The following MS4A5 variants were observed in gnomAD, a reference collection of about 807,000 sequenced individuals.
The protein encoded by MS4A5 is membrane-spanning 4-domains subfamily A member 5.
A neutral mutation model predicts 18.2 loss-of-function variants in MS4A5; 15 were observed. The observed-to-expected ratio is 0.83, with a 90% confidence interval of 0.55 to 1.27. MS4A5 has a LOEUF of 1.27. MS4A5 is among the 50% of genes most tolerant of loss of function. MS4A5 has a pLI of 0.00. For missense variants in MS4A5, 232 were observed against 225.7 expected (o/e 1.03, Z -0.18); for synonymous variants, 89 against 78.7 (o/e 1.13, Z -0.69).
At chr11:60,445,224 T>C (rs893926142) in intron 4 of MS4A5, among the ~76,000 whole-genome samples, 10 of 151,922 alleles carry the variant, frequency 6.6e-5, no homozygotes, top group Non-Finnish European at 1.3e-4. Context: ...AAATGTGATA[T>C]ATCTTGACGT....
At chr11:60,430,155 A>G (rs2086040486) in intron 1 of MS4A5, among the ~76,000 whole-genome samples, 1 of 152,134 alleles carries the variant, frequency 6.6e-6, no homozygotes, top group South Asian at 2.1e-4. Flanking sequence ...TGTATATTGT[A>G]TACCTTCCAT....
chr11:60,439,629 C>T (rs1158002654), intron 4 of MS4A5, among the ~76,000 whole-genome samples: 10 of 17,272 alleles, frequency 5.8e-4, no homozygotes, highest in Non-Finnish European at 7.7e-4. Context: ...TATACACCAA[C>T]AACAGACAAA....
In MS4A5 at chr11:60,447,759, A is replaced by T; in HGVS notation, c.603A>T (p.Ter201CysextTer4). Residue 201 changes from the stop codon to cysteine, a stop_lost, in exon 5 of 5, where the codon TGA becomes TGT. Transcript: ENST00000300190. The stretch of plus-strand genomic sequence containing the variant: ...ATTGTGATTGTGAACAATGTTGTTG[A>T]CTAGCACTGTGAGAATAAAGATGTG... Reference protein sequence around the residue: ...SEDCDCEQCC* With the variant: ...SEDCDCEQCCC The T allele has an allele frequency of 6.5e-7, 1 of 1,536,052 alleles. No homozygotes were observed. Among genetic ancestry groups the T allele is most frequent in the Non-Finnish European group, 8.9e-7 (1 of 1,122,760 alleles).
chr11:60,434,992 C>G (rs753725874), intron 4 of MS4A5, among the ~76,000 whole-genome samples: 2 of 152,178 alleles, frequency 1.3e-5, no homozygotes, highest in Non-Finnish European at 2.9e-5. Context: ...ATAGCAAAGT[C>G]GCTGAACAAA....
At chr11:60,436,387 T>C (rs867890684) in intron 4 of MS4A5, among the ~76,000 whole-genome samples, 2 of 138,932 alleles carry the variant, frequency 1.4e-5, no homozygotes, top group African/African-American at 2.5e-5. Flanking sequence ...TCCAAAGGAA[T>C]GCAGTTCCTC....
Position 60,429,750 on chromosome 11 carries a change from A to ACAGAACT in MS4A5, c.77_83dup (p.Ser29ArgfsTer19). On this transcript the variant is annotated frameshift_variant, in exon 1 of 5. Coordinates refer to ENST00000300190, the MANE Select transcript of MS4A5 (RefSeq NM_023945.3). LOFTEE classifies it high-confidence loss of function. The stretch of plus-strand genomic sequence containing the variant: ...AATCACTGCTTCAGAATATGAGTCC[A>ACAGAACT]CAGAACTTTCAGCCACGACCTTTTC... 1 of 1,614,156 alleles carries ACAGAACT rather than the reference A, an allele frequency of 6.2e-7. No individual in the cohort carries two copies.
At chr11:60,447,204 CCTATG>C (rs1328900098) in intron 4 of MS4A5, among the ~76,000 whole-genome samples, 1 of 144,892 alleles carries the variant, frequency 6.9e-6, no homozygotes, top group Non-Finnish European at 1.5e-5. Flanking sequence ...GCTATGCTAT[CCTATG>C]CTATGCTATG....
At chr11:60,431,913 T>C in intron 2 of MS4A5, among the ~76,000 whole-genome samples, 1 of 152,174 alleles carries the variant, frequency 6.6e-6, no homozygotes. Context: ...TGTAATCAGA[T>C]TTGAAATTTC....
At chr11:60,442,661 A>T (rs1391469341) in intron 4 of MS4A5, among the ~76,000 whole-genome samples, 2 of 152,174 alleles carry the variant, frequency 1.3e-5, no homozygotes, top group African/African-American at 2.4e-5. Context: ...AAATAATAAT[A>T]AAAAAAGAAT....
chr11:60,445,030 A>AG lies in MS4A5; in HGVS notation c.493-2619_493-2618insG, dbSNP rs1334521577. ...GAATACTTCTCAGCAATATAAAAGA[A>AG]CAACCTACTGACACAGAGGAGCATG... On this transcript the variant is annotated intron_variant, in intron 4 of 4. Coordinates refer to ENST00000300190, the MANE Select transcript of MS4A5 (RefSeq NM_023945.3). 2.4e-3 allele frequency among the ~76,000 whole-genome samples: 358 copies of AG among 152,334 alleles called. 2 individuals carry two copies. Among genetic ancestry groups the AG allele is most frequent in the African/African-American group, 8.4e-3 (349 of 41,576 alleles).
intron 4 of MS4A5, among the ~76,000 whole-genome samples, chr11:60,434,659 C>T (rs1183233633): frequency 6.6e-6 from 1 of 152,102 alleles, no homozygotes; most frequent in African/African-American, 2.4e-5. Flanking sequence ...AAAAACAAAA[C>T]AACCTTAAAG....
intron 2 of MS4A5, among the ~76,000 whole-genome samples, chr11:60,431,248 G>T (rs2135170178): frequency 6.6e-6 from 1 of 152,296 alleles, no homozygotes; most frequent in Non-Finnish European, 1.5e-5. Flanking sequence ...TCTCAGTCTA[G>T]CAAGAAAACA....
intron 4 of MS4A5, among the ~76,000 whole-genome samples, chr11:60,441,920 C>G (rs975354870): frequency 2.0e-5 from 3 of 152,088 alleles, no homozygotes; most frequent in Non-Finnish European, 4.4e-5. Context: ...GGTCGATTCA[C>G]AAGAGAAATA....
intron 4 of MS4A5, among the ~76,000 whole-genome samples, chr11:60,438,649 T>G (rs201792811): frequency 7.3e-5 from 11 of 150,464 alleles, no homozygotes; most frequent in South Asian, 2.1e-4. Context: ...CAAACACCTC[T>G]ACGCAAATAA....
chr11:60,439,269 G>T (rs1209870607), intron 4 of MS4A5, among the ~76,000 whole-genome samples: 10 of 114,320 alleles, frequency 8.7e-5, no homozygotes, highest in Admixed American at 2.9e-4. Context: ...TTGATAGGAC[G>T]TATTTCAAAA....
intron 2 of MS4A5, among the ~76,000 whole-genome samples, chr11:60,431,537 T>C (rs572976160): frequency 3.7e-4 from 57 of 152,200 alleles, no homozygotes; most frequent in African/African-American, 1.4e-3. Context: ...CTCAGTTGAG[T>C]GAGGAGTCAG....
chr11:60,432,829 A>AT, intron 3 of MS4A5, among the ~76,000 whole-genome samples: 1 of 152,264 alleles, frequency 6.6e-6, no homozygotes, highest in Non-Finnish European at 1.5e-5. Context: ...CTTTATTAAA[A>AT]ATATATAACT....
At chr11:60,435,867 C>T (rs886182799) in intron 4 of MS4A5, among the ~76,000 whole-genome samples, 3 of 152,226 alleles carry the variant, frequency 2.0e-5, no homozygotes, top group East Asian at 1.9e-4. Flanking sequence ...GGGCGCCCGC[C>T]ATTGCCCAGG....
At chr11:60,434,749 G>A (rs958984316) in intron 4 of MS4A5, among the ~76,000 whole-genome samples, 1 of 152,068 alleles carries the variant, frequency 6.6e-6, no homozygotes, top group African/African-American at 2.4e-5. Context: ...TTTACAAGTG[G>A]AACTCTGAAG....
Sources: gnomAD v4.1 joint callset for allele counts (sites outside exome capture counted in the v4.1 genomes callset) on GRCh38, gnomAD v4.1.1 for gene constraint, MANE v1.5 for transcripts, NCBI Gene and HGNC (gene_info 2026-07-23, HGNC 2026-07-21) for gene names.